The following TFAP2C variants were observed in gnomAD, a reference collection of about 807,000 sequenced individuals.
TFAP2C encodes the protein transcription factor AP-2 gamma, also known as activating enhancer-binding protein 2 gamma.
A neutral mutation model predicts 42.9 loss-of-function variants in TFAP2C; 9 were observed. The observed-to-expected ratio is 0.21, with a 90% CI of 0.13 to 0.37. TFAP2C has a LOEUF of 0.37. Ranked by LOEUF, TFAP2C falls within the 10% of genes least tolerant of loss-of-function variation. The pLI, the probability that TFAP2C is intolerant of heterozygous loss-of-function variation, is 1.00. For missense variants in TFAP2C, 462 were observed against 591.7 expected (o/e 0.78, Z 2.27); for synonymous variants, 264 against 256.0 (o/e 1.03, Z -0.30).
rs779398227 is a variant in TFAP2C, at chr20:56,631,381, C to T, written c.225C>T (p.Pro75=). 1.2e-6 allele frequency: 2 copies of T among 1,611,254 alleles called. No homozygotes were observed. Among genetic ancestry groups the T allele is most frequent in the Non-Finnish European group, 1.7e-6 (2 of 1,179,154 alleles). ...QQLAYSQSAD[P]YSHLGEAYAA... ...TGGCCTACTCCCAGTCGGCCGACCC[C>T]TACTCGCATCTGGGGGAAGCGTACG... Residue 75 remains proline (P), a synonymous_variant, in exon 2 of 7, where the codon CCC becomes CCT. Transcript: ENST00000201031. The surrounding 1 kb of genome is among the most constrained non-coding windows in gnomAD (Gnocchi z 6.1).
rs991563625 is a variant in TFAP2C at position 56,633,266 on chromosome 20, A to T, written c.587-87A>T. Reference sequence around the variant, plus strand: ...GTGCAATGATGCTTGTCTAAAGATCACTTTCAGCTTTGGTTATTGGTTTTG... The same window carrying T: ...GTGCAATGATGCTTGTCTAAAGATCTCTTTCAGCTTTGGTTATTGGTTTTG... On this transcript the variant is annotated intron_variant, in intron 3 of 6. Coordinates refer to ENST00000201031, the MANE Select transcript of TFAP2C (RefSeq NM_003222.4). The T allele has an allele frequency of 5.0e-6, 5 of 994,630 alleles. No individual in the cohort carries two copies. In the African/African-American group the frequency reaches 6.5e-5, roughly 13 times the overall value. The allele number at this position is 994,630 out of a possible 1,614,324, so 61.6% of individuals were successfully genotyped here. A position where few individuals can be genotyped will look rare whatever the true frequency, so the allele number is the denominator to read the frequency against.
chr20:56,629,526 T>G lies in TFAP2C; in HGVS notation c.-19T>G, dbSNP rs199651063. ...ATCCTGGATTTAACTGGCGACTGTT[T>G]TGGGGGACGCCGGACGCCATGTTGT... On this transcript the variant is annotated 5_prime_UTR_variant, in exon 1 of 7. Coordinates refer to ENST00000201031, the MANE Select transcript of TFAP2C (RefSeq NM_003222.4). This position sits in a 1 kb window ranked among gnomAD's most constrained non-coding sequence, Gnocchi z 5.9. 12 of 1,417,248 alleles carry G rather than the reference T, an allele frequency of 8.5e-6. No individual in the cohort carries two copies. The South Asian group carries it at 1.6e-4, about 19-fold the overall frequency. The allele number at this position is 1,417,248 out of a possible 1,614,324, so 87.8% of individuals were successfully genotyped here.
In TFAP2C at chr20:56,638,253, T is replaced by A. The variant is rs1987623681; in HGVS notation, c.*240T>A. On this transcript the variant is annotated 3_prime_UTR_variant, in exon 7 of 7. Coordinates refer to ENST00000201031, the MANE Select transcript of TFAP2C (RefSeq NM_003222.4). ...CAGAAGGTGACAAGTACTGGCTCTT[T>A]ATTCATTAAGCTTTTTTTTTTTGAA... 2.2e-6 allele frequency: 1 copy of A among 458,080 alleles called. No homozygotes were observed. The highest frequency in any genetic ancestry group is 3.8e-6 in the Non-Finnish European group (1 of 260,570). The allele number at this position is 458,080 out of a possible 1,614,324, so 28.4% of individuals were successfully genotyped here. A position where few individuals can be genotyped will look rare whatever the true frequency, so the allele number is the denominator to read the frequency against.
In TFAP2C at chr20:56,637,982, C is replaced by G; in HGVS notation, c.1322C>G (p.Thr441Ser). ...CAGAGTCCAGCTGATTCTAACAAAA[C>G]CCTGGAGAAAATGGAGAAACACAGG... The part of the protein sequence containing the change: ...GDQSPADSNK[T>S]LEKMEKHRK Residue 441 changes from threonine (T) to serine (S), a missense_variant, in exon 7 of 7, where the codon ACC (threonine) becomes AGC (serine). Physicochemically the swap from Thr to Ser is moderately conservative, Grantham distance 58. Around this residue, in one of 5 missense-constraint regions of TFAP2C, gnomAD observed 130 missense variants for 160.8 expected, o/e 0.81. Transcript: ENST00000201031. The G allele has an allele frequency of 6.2e-7, 1 of 1,613,494 alleles. No homozygotes were observed. The highest frequency in any genetic ancestry group is 8.5e-7 in the Non-Finnish European group (1 of 1,179,626).
chr20:56,631,779 A>C lies in TFAP2C; in HGVS notation c.535-26A>C. 1 of 1,614,080 alleles carries C rather than the reference A, an allele frequency of 6.2e-7. No homozygotes were observed. The highest frequency in any genetic ancestry group is 8.5e-7 in the Non-Finnish European group (1 of 1,180,002). On this transcript the variant is annotated intron_variant, in intron 2 of 6. Coordinates refer to ENST00000201031, the MANE Select transcript of TFAP2C (RefSeq NM_003222.4). This position sits in a 1 kb window ranked among gnomAD's most constrained non-coding sequence, Gnocchi z 6.1. Reference sequence around the variant, plus strand: ...ACTCCTCTAGGCTCCCCCGAACTTAAGGGAATTTTGTCCTCTCTCCCCCAG... The same window carrying C: ...ACTCCTCTAGGCTCCCCCGAACTTACGGGAATTTTGTCCTCTCTCCCCCAG...
At chr20:56,632,082 CT>C (rs1420683205) in intron 3 of TFAP2C, among the ~76,000 whole-genome samples, 1 of 152,032 alleles carries the variant, frequency 6.6e-6, no homozygotes, top group Non-Finnish European at 1.5e-5. Context: ...AGTTTTTTTT[CT>C]TGGAAAAATG....
rs1426087707 is a variant in TFAP2C, at chr20:56,630,611, C to G, written c.49-594C>G. The G allele has an allele frequency of 6.7e-6, 6 of 890,908 alleles. No homozygotes were observed. The African/African-American group carries it at 9.0e-5, about 13-fold the overall frequency. 55.2% of individuals were successfully genotyped at this position (890,908 alleles called of 1,614,324 possible). On this transcript the variant is annotated intron_variant, in intron 1 of 6. Coordinates refer to ENST00000201031, the MANE Select transcript of TFAP2C (RefSeq NM_003222.4). The surrounding 1 kb of genome is among the most constrained non-coding windows in gnomAD (Gnocchi z 5.1). Reference sequence around the variant, plus strand: ...GAGGGCCGCCCTGTGCGCGCGCTCCCTCTTCACTTCCCAGGGCGGCGCAGG... The same window carrying G: ...GAGGGCCGCCCTGTGCGCGCGCTCCGTCTTCACTTCCCAGGGCGGCGCAGG...
chr20:56,638,264 CT>C lies in TFAP2C; in HGVS notation c.*262del, dbSNP rs112295160. On this transcript the variant is annotated 3_prime_UTR_variant, in exon 7 of 7. Coordinates refer to ENST00000201031, the MANE Select transcript of TFAP2C (RefSeq NM_003222.4). ...AAGTACTGGCTCTTTATTCATTAAG[CT>C]TTTTTTTTTTGAACCCCATTCTTTC... 0.068 allele frequency: 22,941 copies of C among 337,514 alleles called. No individual in the cohort carries two copies. The highest frequency in any genetic ancestry group is 0.099 in the Middle Eastern group (121 of 1,224). The allele number at this position is 337,514 out of a possible 1,614,324, so 20.9% of individuals were successfully genotyped here.
At position 56,636,773 on chromosome 20, in the gene TFAP2C, A is replaced by C. The variant is rs1439854769; in HGVS notation, c.1067+19A>C. ...CGGCCCAGTAAGTATCTGAACTTGA[A>C]TTTGATGATGACTCAATGCTCTAGA... On this transcript the variant is annotated intron_variant, in intron 6 of 6. Transcript: ENST00000201031. 7.5e-6 allele frequency: 12 copies of C among 1,608,368 alleles called. No individual in the cohort carries two copies. The highest frequency in any genetic ancestry group is 1.0e-5 in the Non-Finnish European group (12 of 1,177,278).
chr20:56,632,314 T>G (rs1172926749), intron 3 of TFAP2C, among the ~76,000 whole-genome samples: 1 of 152,214 alleles, frequency 6.6e-6, no homozygotes, highest in Non-Finnish European at 1.5e-5. Flanking sequence ...AAGAAAAGTT[T>G]TGAAGCAATT....
chr20:56,633,218 C>T lies in TFAP2C; in HGVS notation c.587-135C>T, dbSNP rs928910267. ...ATTATTTTTTTTTTTTAAATAAAGT[C>T]AGCCTGCAGTTGATCGTGGGGTGTG... On this transcript the variant is annotated intron_variant, in intron 3 of 6. Coordinates refer to ENST00000201031, the MANE Select transcript of TFAP2C (RefSeq NM_003222.4). The T allele has an allele frequency of 6.4e-6, 4 of 627,162 alleles. No individual in the cohort carries two copies. The African/African-American group carries it at 7.4e-5, about 12-fold the overall frequency. The allele number at this position is 627,162 out of a possible 1,614,324, so 38.8% of individuals were successfully genotyped here.
rs1987529707 is a variant in TFAP2C, at chr20:56,633,333, G to C, written c.587-20G>C. 1 of 1,600,382 alleles carries C rather than the reference G, an allele frequency of 6.2e-7. No individual in the cohort carries two copies. Among genetic ancestry groups the C allele is most frequent in the South Asian group, 1.1e-5 (1 of 90,260 alleles). On this transcript the variant is annotated intron_variant, in intron 3 of 6. Transcript: ENST00000201031. The stretch of plus-strand genomic sequence containing the variant: ...TCAGAGAGAGCTCTTGTGACTGCCA[G>C]CTCTGACCTTCATTCACAGGTCCCA...
In TFAP2C at chr20:56,630,616, C is replaced by A; in HGVS notation, c.49-589C>A. ...CCGCCCTGTGCGCGCGCTCCCTCTT[C>A]ACTTCCCAGGGCGGCGCAGGGTGGC... On this transcript the variant is annotated intron_variant, in intron 1 of 6. Coordinates refer to ENST00000201031, the MANE Select transcript of TFAP2C (RefSeq NM_003222.4). This position sits in a 1 kb window ranked among gnomAD's most constrained non-coding sequence, Gnocchi z 5.1. The A allele has an allele frequency of 1.1e-6, 1 of 914,346 alleles. No homozygotes were observed. The highest frequency in any genetic ancestry group is 1.3e-6 in the Non-Finnish European group (1 of 764,966). 56.6% of individuals were successfully genotyped at this position (914,346 alleles called of 1,614,324 possible).
chr20:56,631,422 C>G lies in TFAP2C; in HGVS notation c.266C>G (p.Pro89Arg). Residue 89 changes from proline to arginine, a missense_variant, in exon 2 of 7, where the codon CCC becomes CGC. Pro to Arg is a moderately radical substitution (Grantham distance 103, BLOSUM62 -2). Coordinates refer to ENST00000201031, the MANE Select transcript of TFAP2C (RefSeq NM_003222.4). The surrounding 1 kb of genome is among the most constrained non-coding windows in gnomAD (Gnocchi z 6.1). ...LGEAYAAAIN[P>R]LHQPAPTGSQ... ...GAAGCGTACGCCGCCGCCATCAACC[C>G]CCTGCACCAGCCGGCGCCCACAGGC... 6.3e-7 allele frequency: 1 copy of G among 1,597,514 alleles called. No individual in the cohort carries two copies. Among genetic ancestry groups the G allele is most frequent in the Non-Finnish European group, 8.5e-7 (1 of 1,173,604 alleles).
chr20:56,635,768 C>G (rs1204154681), intron 5 of TFAP2C, among the ~76,000 whole-genome samples: 1 of 152,198 alleles, frequency 6.6e-6, no homozygotes, highest in Non-Finnish European at 1.5e-5. Flanking sequence ...CCATGGGGCA[C>G]TGGTTCCAGG....
intron 6 of TFAP2C, 21 bp downstream of exon 6, chr20:56,636,775 TTGA>T: frequency 1.9e-6 from 3 of 1,607,868 alleles, no homozygotes; most frequent in Non-Finnish European, 2.5e-6. Flanking sequence ...GAACTTGAAT[TTGA>T]TGATGACTCA....
rs567468432 is a variant in TFAP2C at position 56,637,747 on chromosome 20, A to G, written c.1087A>G (p.Thr363Ala). Reference sequence around the variant, plus strand: ...TCACAGGCAACTGTGTAAAGAATTCACAGAACTTCTCAGCCAAGACCGGAC... The same window carrying G: ...TCACAGGCAACTGTGTAAAGAATTCGCAGAACTTCTCAGCCAAGACCGGAC... Reference protein sequence around the residue: ...LAAQQLCKEFTELLSQDRTPH... With the variant: ...LAAQQLCKEFAELLSQDRTPH... Residue 363 changes from threonine (T) to alanine (A), a missense_variant, in exon 7 of 7, where the codon ACA (threonine) becomes GCA (alanine). Physicochemically the swap from Thr to Ala is moderately conservative, Grantham distance 58 (BLOSUM62 0). Transcript: ENST00000201031. The G allele has an allele frequency of 2.5e-6, 4 of 1,614,062 alleles. No homozygotes were observed. The highest frequency in any genetic ancestry group is 3.4e-6 in the Non-Finnish European group (4 of 1,180,026).
Position 56,631,062 on chromosome 20 carries a change from G to C in TFAP2C, c.49-143G>C. ...AATCCTCGGGGCGCATTGCCCCCGG[G>C]TACCTTCCGACCCTGGGCAAGCCCC... On this transcript the variant is annotated intron_variant, in intron 1 of 6. Transcript: ENST00000201031. This position sits in a 1 kb window ranked among gnomAD's most constrained non-coding sequence, Gnocchi z 6.1. The C allele has an allele frequency of 7.0e-7, 1 of 1,426,982 alleles. No homozygotes were observed. The highest frequency in any genetic ancestry group is 9.1e-7 in the Non-Finnish European group (1 of 1,098,716). The allele number at this position is 1,426,982 out of a possible 1,614,324, so 88.4% of individuals were successfully genotyped here. A position where few individuals can be genotyped will look rare whatever the true frequency, so the allele number is the denominator to read the frequency against.
In TFAP2C at chr20:56,638,029, A is replaced by C; in HGVS notation, c.*16A>C. ...CAGGAAATAAAATTGGAACGAAGAA[A>C]GGTTAGGAGAGTAGGGAAGGAACAG... On this transcript the variant is annotated 3_prime_UTR_variant, in exon 7 of 7. Transcript: ENST00000201031. The C allele has an allele frequency of 1.2e-5, 20 of 1,606,588 alleles. No individual in the cohort carries two copies. The highest frequency in any genetic ancestry group is 1.6e-5 in the Non-Finnish European group (19 of 1,175,692).
Sources: allele counts gnomAD v4.1 joint callset (sites outside exome capture counted in the v4.1 genomes callset), GRCh38; gene constraint gnomAD v4.1.1; regional missense constraint gnomAD v4.1.1; non-coding constraint Gnocchi (gnomAD v3.1); transcripts MANE v1.5; gene names NCBI Gene and HGNC (gene_info 2026-07-23, HGNC 2026-07-21).